MYO1A: variants seen among roughly 807,000 people sequenced by gnomAD.
The protein encoded by MYO1A is unconventional myosin-Ia.
In MYO1A, 127 loss-of-function variants were observed where a neutral mutation model predicts 138.5. The observed-to-expected ratio is 0.92, with a 90% CI of 0.79 to 1.06. The LOEUF (loss-of-function observed/expected upper bound fraction) is 1.06, where lower values mean the gene tolerates loss of function less well. MYO1A is among the 50% of genes least tolerant of loss of function. The pLI, the probability that MYO1A is intolerant of heterozygous loss-of-function variation, is 0.00. For synonymous variants in MYO1A, 477 were observed against 497.5 expected, an observed-to-expected ratio of 0.96 and a Z score of 0.55; for missense variants, 1,211 against 1,288.8, an observed-to-expected ratio of 0.94 and a Z score of 0.92.
Position 57,028,628 on chromosome 12 carries a change from G to T in MYO1A, c.*127C>A. ...GTTTGGGACAAGGGTCCTCTTCAAG[G>T]GTAGTTTAATCCCCAAGCCATGCGC... On this transcript the variant is annotated 3_prime_UTR_variant, in exon 28 of 28. Transcript: ENST00000300119. The T allele has an allele frequency of 7.6e-7, 1 of 1,317,478 alleles. No individual in the cohort carries two copies. The highest frequency in any genetic ancestry group is 1.1e-6 in the Non-Finnish European group (1 of 947,390). 81.6% of individuals were successfully genotyped at this position (1,317,478 alleles called of 1,614,324 possible).
chr12:57,046,852 G>GA lies in MYO1A; in HGVS notation c.541+10dup. The stretch of plus-strand genomic sequence containing the variant: ...TGGAAGACAGGTGAGTGGAATTGGG[G>GA]AGACACGTACAGTTTGTGATGACAC... On this transcript the variant is annotated intron_variant, in intron 7 of 27. Transcript: ENST00000300119. 2 of 1,613,784 alleles carry GA rather than the reference G, an allele frequency of 1.2e-6. No homozygotes were observed. The highest frequency in any genetic ancestry group is 1.7e-6 in the Non-Finnish European group (2 of 1,179,700).
intron 26 of MYO1A, 25 bp from the exon 27 acceptor site, chr12:57,029,284 G>A: frequency 6.2e-7 from 1 of 1,613,810 alleles, no homozygotes; most frequent in Middle Eastern, 1.6e-4. Flanking sequence ...AAAATAGCAG[G>A]AAAGGGATTC....
rs766171741 is a variant in MYO1A, at chr12:57,043,222, C to T, written c.1011+18G>A. On this transcript the variant is annotated intron_variant, in intron 11 of 27. Coordinates refer to ENST00000300119, the MANE Select transcript of MYO1A (RefSeq NM_005379.4). ...AACAGGGTCGAAACAGCCCCCTCCA[C>T]TCCAGTGAGCTCCTTACCTGCATAA... 2.5e-6 allele frequency: 4 copies of T among 1,613,744 alleles called. No individual in the cohort carries two copies. Among genetic ancestry groups the T allele is most frequent in the African/African-American group, 2.7e-5 (2 of 74,922 alleles).
rs777142608 is a variant in MYO1A at position 57,028,843 on chromosome 12, T to C, written c.3044A>G (p.Lys1015Arg). The C allele has an allele frequency of 4.3e-6, 7 of 1,613,914 alleles. No individual in the cohort carries two copies. Among genetic ancestry groups the C allele is most frequent in the East Asian group, 2.2e-5 (1 of 44,890 alleles). The part of the protein sequence containing the change: ...VRFKENSVAV[K>R]VVQGPAGGDN... ...ACCACCTGCAGGGCCCTGGACGACCTTGACAGCCACACTGTTCTCCTTGAA... is the reference window on the plus strand; with the variant it reads ...ACCACCTGCAGGGCCCTGGACGACCCTGACAGCCACACTGTTCTCCTTGAA... The change falls in exon 28 of 28, where the codon AAG becomes AGG. Residue 1015 changes from lysine to arginine, a missense_variant. Physicochemically the swap from Lys to Arg is conservative, Grantham distance 26 (BLOSUM62 2). Transcript: ENST00000300119.
At chr12:57,032,519 C>G (rs561230976) in intron 22 of MYO1A, among the ~76,000 whole-genome samples, 1 of 152,184 alleles carries the variant, frequency 6.6e-6, no homozygotes, top group African/African-American at 2.4e-5. Flanking sequence ...ATTAAAAAGC[C>G]AGGGTGAGCA....
At position 57,036,383 on chromosome 12, in the gene MYO1A, T is replaced by C; in HGVS notation, c.2275-2A>G. 1 of 1,613,906 alleles carries C rather than the reference T, an allele frequency of 6.2e-7. No homozygotes were observed. Among genetic ancestry groups the C allele is most frequent in the South Asian group, 1.1e-5 (1 of 91,062 alleles). On this transcript the variant is annotated splice_acceptor_variant, in intron 21 of 27. Transcript: ENST00000300119. LOFTEE classifies it high-confidence loss of function. ...ATATTTGCGATAATTCTTTCGGGCCTGGCAGAAAAGTACAAGAAAGGAGCC... is the reference window on the plus strand; with the variant it reads ...ATATTTGCGATAATTCTTTCGGGCCCGGCAGAAAAGTACAAGAAAGGAGCC...
Position 57,039,198 on chromosome 12 carries a change from G to A in MYO1A, c.1332+14C>T. Reference sequence around the variant, plus strand: ...GGAAGGGGAAGTCCCACAGATAAGAGAATGACAACTCACATGCTCAATGAG... The same window carrying A: ...GGAAGGGGAAGTCCCACAGATAAGAAAATGACAACTCACATGCTCAATGAG... On this transcript the variant is annotated intron_variant, in intron 15 of 27. Transcript: ENST00000300119. 6.2e-7 allele frequency: 1 copy of A among 1,612,740 alleles called. No individual in the cohort carries two copies. The highest frequency in any genetic ancestry group is 8.5e-7 in the Non-Finnish European group (1 of 1,178,716).
chr12:57,035,226 A>G (rs1217024178), intron 22 of MYO1A, among the ~76,000 whole-genome samples: 3 of 152,192 alleles, frequency 2.0e-5, no homozygotes, highest in African/African-American at 7.2e-5. Context: ...GATAACAGCA[A>G]AATCAGATTA....
rs1313371059 is a variant in MYO1A at position 57,050,037 on chromosome 12, GGCT to G, written c.-174_-172del. 1 of 152,456 alleles carries G rather than the reference GGCT, an allele frequency of 6.6e-6. No individual in the cohort carries two copies. The highest frequency in any genetic ancestry group is 1.5e-5 in the Non-Finnish European group (1 of 68,232). The allele number at this position is 152,456 out of a possible 1,614,324, so 9.4% of individuals were successfully genotyped here. A position where few individuals can be genotyped will look rare whatever the true frequency, so the allele number is the denominator to read the frequency against. On this transcript the variant is annotated 5_prime_UTR_variant, in exon 1 of 28. Coordinates refer to ENST00000300119, the MANE Select transcript of MYO1A (RefSeq NM_005379.4). The stretch of plus-strand genomic sequence containing the variant: ...CATGGTGCAAGGAAGCTGGGAAAAA[GGCT>G]GCCCTCCTCTTGCCAGTGTCCACTC...
At chr12:57,037,709 CT>C in intron 18 of MYO1A, 68 bp from the exon 19 acceptor site, 1 of 1,540,482 alleles carries the variant, frequency 6.5e-7, no homozygotes, top group Non-Finnish European at 9.0e-7. Context: ...CACCTTTCCC[CT>C]AATCCTTTCA....
chr12:57,036,365 C>G lies in MYO1A; in HGVS notation c.2291G>C (p.Arg764Pro). 1 of 1,613,736 alleles carries G rather than the reference C, an allele frequency of 6.2e-7. No individual in the cohort carries two copies. Among genetic ancestry groups the G allele is most frequent in the South Asian group, 1.1e-5 (1 of 91,062 alleles). The change falls in exon 22 of 28, where the codon CGC (arginine) becomes CCC (proline). Residue 764 changes from arginine to proline, a missense_variant. Coordinates refer to ENST00000300119, the MANE Select transcript of MYO1A (RefSeq NM_005379.4). Reference sequence around the variant, plus strand: ...GGCAGCCTCTGACCGGAAATATTTGCGATAATTCTTTCGGGCCTGGCAGAA... The same window carrying G: ...GGCAGCCTCTGACCGGAAATATTTGGGATAATTCTTTCGGGCCTGGCAGAA... ...VRGWKARKNYRKYFRSEAALT... is the reference protein window; with the variant it reads ...VRGWKARKNYPKYFRSEAALT...
Position 57,048,296 on chromosome 12 carries a change from C to A in MYO1A, c.28G>T (p.Val10Leu), listed in dbSNP as rs866979233. 6.2e-7 allele frequency: 1 copy of A among 1,613,842 alleles called. No homozygotes were observed. The highest frequency in any genetic ancestry group is 2.2e-5 in the East Asian group (1 of 44,882). ...GGTTCCAGGAGGACAAGATCCTCCA[C>A]CCCCACAGAACCTTCCAGGAGAGGC... MPLLEGSVG[V>L]EDLVLLEPLV... Residue 10 changes from valine to leucine, a missense_variant, in exon 2 of 28, where the codon GTG becomes TTG. Coordinates refer to ENST00000300119, the MANE Select transcript of MYO1A (RefSeq NM_005379.4).
rs190446274 is a variant in MYO1A at position 57,036,481 on chromosome 12, G to C, written c.2275-100C>G. 30 of 1,208,668 alleles carry C rather than the reference G, an allele frequency of 2.5e-5. No homozygotes were observed. In the Admixed American group the frequency reaches 5.0e-4, roughly 20 times the overall value. The allele number at this position is 1,208,668 out of a possible 1,614,324, so 74.9% of individuals were successfully genotyped here. On this transcript the variant is annotated intron_variant, in intron 21 of 27. Coordinates refer to ENST00000300119, the MANE Select transcript of MYO1A (RefSeq NM_005379.4). Reference sequence around the variant, plus strand: ...CACGCAAAGACCTGAGTAAGATAAAGAGCTGAGACTGTAGCTGGAAGTTGG... The same window carrying C: ...CACGCAAAGACCTGAGTAAGATAAACAGCTGAGACTGTAGCTGGAAGTTGG...
intron 1 of MYO1A, among the ~76,000 whole-genome samples, chr12:57,049,606 T>C (rs1372886908): frequency 6.6e-6 from 1 of 152,258 alleles, no homozygotes; most frequent in Non-Finnish European, 1.5e-5. Flanking sequence ...CTCTAAGCAC[T>C]GTACATACAC....
In MYO1A at chr12:57,029,250, C is replaced by G; in HGVS notation, c.2887G>C (p.Val963Leu). 1.9e-6 allele frequency: 3 copies of G among 1,614,034 alleles called. No homozygotes were observed. Among genetic ancestry groups the G allele is most frequent in the Non-Finnish European group, 2.5e-6 (3 of 1,180,022 alleles). The change falls in exon 27 of 28, where the codon GTG (valine) becomes CTG (leucine). Residue 963 changes from valine to leucine, a missense_variant. Physicochemically the swap from Val to Leu is conservative, Grantham distance 32. Coordinates refer to ENST00000300119, the MANE Select transcript of MYO1A (RefSeq NM_005379.4). ...AGCAGGAAGTCCCCCTTGGAGCCCA[C>G]CGATGACATCTTAGGAAGAGGGAAA... ...FSLHLSEMSS[V>L]GSKGDFLLVS...
chr12:57,031,452 A>T (rs902238512), intron 22 of MYO1A, among the ~76,000 whole-genome samples: 1 of 152,188 alleles, frequency 6.6e-6, no homozygotes, highest in African/African-American at 2.4e-5. Context: ...GGTAAGAGGA[A>T]CCAATATGAA....
Position 57,037,651 on chromosome 12 carries a change from C to A in MYO1A, c.1962-10G>T, listed in dbSNP as rs758679670. The A allele has an allele frequency of 6.8e-6, 11 of 1,613,136 alleles. 1 individual carries two copies. In the East Asian group the frequency reaches 2.5e-4, roughly 36 times the overall value. Reference sequence around the variant, plus strand: ...CTTCTCAACACCTTCCCTATGGAAGCAAATGACAGAAAGCTGCAGAGGGGT... The same window carrying A: ...CTTCTCAACACCTTCCCTATGGAAGAAAATGACAGAAAGCTGCAGAGGGGT... On this transcript the variant is annotated splice_polypyrimidine_tract_variant and intron_variant, in intron 18 of 27. Transcript: ENST00000300119.
At chr12:57,047,481 C>T in intron 4 of MYO1A, 74 bp from the exon 5 acceptor site, 1 of 1,521,928 alleles carries the variant, frequency 6.6e-7, no homozygotes, top group South Asian at 1.1e-5. Flanking sequence ...ACTTGCTTCA[C>T]CCCAGTGCCT....
Position 57,036,833 on chromosome 12 carries a change from T to C in MYO1A, c.2213A>G (p.Lys738Arg), listed in dbSNP as rs769995945. Residue 738 changes from lysine to arginine, a missense_variant, in exon 21 of 28, where the codon AAA becomes AGA. Lys to Arg is a conservative substitution (Grantham distance 26, BLOSUM62 2). Transcript: ENST00000300119. ...SSWFRGNMQK[K>R]CYGKIKASVL... ...GGATGCCTTTATCTTCCCATAGCAT[T>C]TCTTTTGCTGTAGAAAACATAGGAG... 6.2e-7 allele frequency: 1 copy of C among 1,614,222 alleles called. No individual in the cohort carries two copies. Among genetic ancestry groups the C allele is most frequent in the East Asian group, 2.2e-5 (1 of 44,890 alleles).
Sources: allele counts gnomAD v4.1 joint callset (sites outside exome capture counted in the v4.1 genomes callset), GRCh38; gene constraint gnomAD v4.1.1; transcripts MANE v1.5; gene names NCBI Gene and HGNC (gene_info 2026-07-23, HGNC 2026-07-21).